FAM234B: variants seen among roughly 807,000 people sequenced by gnomAD.
FAM234B encodes the protein family with sequence similarity 234 member B, also known as protein FAM234B.
In FAM234B, 33 loss-of-function variants were observed where a neutral mutation model predicts 69.3. The observed-to-expected ratio is 0.48, with a 90% CI of 0.36 to 0.64. The LOEUF (loss-of-function observed/expected upper bound fraction) is 0.64, where lower values mean the gene tolerates loss of function less well. Ranked by LOEUF, FAM234B falls within the 30% of genes least tolerant of loss-of-function variation. FAM234B has a pLI of 0.00. For synonymous variants in FAM234B, 306 were observed against 306.9 expected, an observed-to-expected ratio of 1.00 and a Z score of 0.03; for missense variants, 697 against 769.7, an observed-to-expected ratio of 0.91 and a Z score of 1.12.
chr12:13,071,124 C>T (rs890699819), intron 9 of FAM234B, 117 bp from the exon 10 acceptor site: 40 of 1,108,316 alleles, frequency 3.6e-5, no homozygotes, highest in African/African-American at 4.6e-5. Context: ...ATCTTAAAAG[C>T]GCAGCGTGTT....
rs558177682 is a variant in FAM234B, at chr12:13,055,516, G to A, written c.38-35G>A. The A allele has an allele frequency of 4.5e-6, 7 of 1,538,880 alleles. No homozygotes were observed. The East Asian group carries it at 1.6e-4, about 35-fold the overall frequency. The stretch of plus-strand genomic sequence containing the variant: ...ATTTGGTGAGGGTGTCTTCTCCCCA[G>A]TTCCCCTTGACTCTCTGTTTTTCTG... On this transcript the variant is annotated intron_variant, in intron 1 of 12. Transcript: ENST00000197268.
chr12:13,079,010 G>A (rs1200689248), intron 11 of FAM234B, among the ~76,000 whole-genome samples: 1 of 151,310 alleles, frequency 6.6e-6, no homozygotes, highest in African/African-American at 2.4e-5. Context: ...AGCTACCAAT[G>A]ACTTTCTTCA....
intron 11 of FAM234B, among the ~76,000 whole-genome samples, chr12:13,076,563 T>C (rs1056752009): frequency 2.6e-5 from 4 of 152,240 alleles, no homozygotes; most frequent in African/African-American, 9.6e-5. Context: ...ATAGAATGTG[T>C]TTTGCCAGGG....
At chr12:13,056,727 A>G (rs1864933676) in intron 2 of FAM234B, among the ~76,000 whole-genome samples, 1 of 152,182 alleles carries the variant, frequency 6.6e-6, no homozygotes, top group South Asian at 2.1e-4. Flanking sequence ...AAAGGTAACA[A>G]ATTGTTGGTG....
chr12:13,067,440 C>T lies in FAM234B; in HGVS notation c.1142+144C>T. 1 of 866,098 alleles carries T rather than the reference C, an allele frequency of 1.2e-6. No individual in the cohort carries two copies. The highest frequency in any genetic ancestry group is 1.8e-6 in the Non-Finnish European group (1 of 560,980). The allele number at this position is 866,098 out of a possible 1,614,324, so 53.7% of individuals were successfully genotyped here. A position where few individuals can be genotyped will look rare whatever the true frequency, so the allele number is the denominator to read the frequency against. ...TTATCTTAATTTACCATCTTCTGAT[C>T]TGGTTAACATGAGTTAGAAATTTTC... On this transcript the variant is annotated intron_variant, in intron 7 of 12. Transcript: ENST00000197268. This position sits in a 1 kb window ranked among gnomAD's most constrained non-coding sequence, Gnocchi z 4.7.
intron 7 of FAM234B, 145 bp from the exon 8 acceptor site, chr12:13,068,159 G>C: frequency 1.3e-6 from 1 of 757,480 alleles, no homozygotes; most frequent in Non-Finnish European, 2.1e-6. Context: ...TGAAACAACA[G>C]TACATCCCAC....
chr12:13,080,698 T>C lies in FAM234B; in HGVS notation c.*68T>C. On this transcript the variant is annotated 3_prime_UTR_variant, in exon 13 of 13. Transcript: ENST00000197268. ...TACCCTCTCTACTCTCCTGTCACTGTAAAATCAGTTCTATGGAGAGAAGAC... is the reference window on the plus strand; with the variant it reads ...TACCCTCTCTACTCTCCTGTCACTGCAAAATCAGTTCTATGGAGAGAAGAC... 1 of 1,329,854 alleles carries C rather than the reference T, an allele frequency of 7.5e-7. No individual in the cohort carries two copies. Among genetic ancestry groups the C allele is most frequent in the South Asian group, 1.2e-5 (1 of 83,204 alleles). 82.4% of individuals were successfully genotyped at this position (1,329,854 alleles called of 1,614,324 possible). A position where few individuals can be genotyped will look rare whatever the true frequency, so the allele number is the denominator to read the frequency against.
In FAM234B at chr12:13,055,820, C is replaced by T. The variant is rs372588047; in HGVS notation, c.307C>T (p.Arg103Cys). The change falls in exon 2 of 13, where the codon CGC (arginine) becomes TGC (cysteine). Residue 103 changes from arginine (R) to cysteine (C), a missense_variant. This residue lies in a region of FAM234B where 380 missense variants were observed against 447.1 expected (regional missense o/e 0.85). Coordinates refer to ENST00000197268, the MANE Select transcript of FAM234B (RefSeq NM_020853.2). ...KAASSLVSYV[R>C]TSVFLLTLGI... ...GGCCTCCTCCCTGGTGTCATATGTG[C>T]GCACGTCTGTCTTCCTGCTGACTTT... 3.7e-6 allele frequency: 6 copies of T among 1,614,016 alleles called. No homozygotes were observed. The highest frequency in any genetic ancestry group is 2.2e-5 in the East Asian group (1 of 44,884).
chr12:13,048,480 T>A (rs1457785174), intron 1 of FAM234B, among the ~76,000 whole-genome samples: 2 of 152,242 alleles, frequency 1.3e-5, no homozygotes, highest in Non-Finnish European at 2.9e-5. Flanking sequence ...TTGGCAACTC[T>A]TTAAAATACT....
Position 13,072,872 on chromosome 12 carries a change from T to A in FAM234B, c.1524+1476T>A, listed in dbSNP as rs78117192. 7.7e-3 allele frequency among the ~76,000 whole-genome samples: 1,174 copies of A among 152,308 alleles called. 11 individuals are homozygous for A. Among genetic ancestry groups the A allele is most frequent in the Middle Eastern group, 0.034 (10 of 294 alleles). ...CGTTTCATCATGTCAATGCAGTCTT[T>A]TTTTACATTATAAACTGAAAAAAAT... is the stretch of plus-strand genomic sequence containing the variant. On this transcript the variant is annotated intron_variant, in intron 10 of 12. Transcript: ENST00000197268.
chr12:13,076,194 T>C (rs1299802793), intron 11 of FAM234B, 51 bp downstream of exon 11: 4 of 1,332,812 alleles, frequency 3.0e-6, no homozygotes, highest in Non-Finnish European at 4.3e-6. Flanking sequence ...TGGGAGAGTA[T>C]GTGTTGGCTG....
chr12:13,071,118 TA>T, intron 9 of FAM234B, 122 bp from the exon 10 acceptor site: 2 of 1,078,904 alleles, frequency 1.9e-6, no homozygotes, highest in South Asian at 2.9e-5. Context: ...GCTTGCATCT[TA>T]AAAGCGCAGC....
chr12:13,054,293 A>G (rs1864906794), intron 1 of FAM234B, among the ~76,000 whole-genome samples: 1 of 152,246 alleles, frequency 6.6e-6, no homozygotes. Context: ...AAAGACAGGC[A>G]TAAGAAATTA....
At chr12:13,066,828 C>T in intron 6 of FAM234B, 41 bp downstream of exon 6, 1 of 1,592,122 alleles carries the variant, frequency 6.3e-7, no homozygotes, top group South Asian at 1.2e-5. Flanking sequence ...TCCCCACTGG[C>T]ATTTGTGATG....
Position 13,076,035 on chromosome 12 carries a change from C to T in FAM234B, c.1534C>T (p.Leu512=). 1 of 1,613,166 alleles carries T rather than the reference C, an allele frequency of 6.2e-7. No individual in the cohort carries two copies. The highest frequency in any genetic ancestry group is 8.5e-7 in the Non-Finnish European group (1 of 1,179,174). Residue 512 remains leucine (L), a synonymous_variant, in exon 11 of 13, where the codon CTA becomes TTA. Transcript: ENST00000197268. ...SAASPNSDII[L]GTEPPSLHHL... is the part of the protein sequence containing the mutation. ...TGCTGCTTATTATCAGGATATCATC[C>T]TAGGAACTGAGCCGCCCAGCCTTCA... is the stretch of plus-strand genomic sequence containing the variant.
rs564011293 is a variant in FAM234B, at chr12:13,062,809, G to T, written c.722-36G>T. 5.1e-5 allele frequency: 82 copies of T among 1,609,708 alleles called. No homozygotes were observed. The African/African-American group carries it at 9.3e-4, about 18-fold the overall frequency. Reference sequence around the variant, plus strand: ...CATCTGCCTTTTCCAAAGGCAAGAAGTTGTCATAGTGACCAGCCTATGTGT... The same window carrying T: ...CATCTGCCTTTTCCAAAGGCAAGAATTTGTCATAGTGACCAGCCTATGTGT... On this transcript the variant is annotated intron_variant, in intron 4 of 12. Transcript: ENST00000197268.
At chr12:13,071,101 C>CGGTG in intron 9 of FAM234B, 140 bp from the exon 10 acceptor site, 1 of 828,052 alleles carries the variant, frequency 1.2e-6, no homozygotes, top group Non-Finnish European at 2.0e-6. Context: ...CTCGGAACAC[C>CGGTG]CAGTTTGCTT....
intron 1 of FAM234B, among the ~76,000 whole-genome samples, chr12:13,047,876 T>C (rs1864828459): frequency 6.6e-6 from 1 of 152,168 alleles, no homozygotes. Flanking sequence ...GGACTTCTTT[T>C]AAGGCAAGTT....
At chr12:13,066,821 C>G (rs755640246) in intron 6 of FAM234B, 34 bp downstream of exon 6, 2 of 1,597,592 alleles carry the variant, frequency 1.3e-6, no homozygotes, top group South Asian at 1.1e-5. Context: ...CTCCTGTTCC[C>G]CACTGGCATT....
Sources: allele counts gnomAD v4.1 joint callset (sites outside exome capture counted in the v4.1 genomes callset), GRCh38; gene constraint gnomAD v4.1.1; regional missense constraint gnomAD v4.1.1; non-coding constraint Gnocchi (gnomAD v3.1); transcripts MANE v1.5; gene names NCBI Gene and HGNC (gene_info 2026-07-23, HGNC 2026-07-21).